MCTP1: variants seen among roughly 807,000 people sequenced by gnomAD.
The protein encoded by MCTP1 is multiple C2 and transmembrane domain-containing protein 1.
In MCTP1, 69 loss-of-function variants were observed where a neutral mutation model predicts 120.6. That is an observed-to-expected ratio of 0.57 (90% CI 0.47 to 0.70). The LOEUF is 0.70. MCTP1 is among the 30% of genes least tolerant of loss of function. The pLI, the probability that MCTP1 is intolerant of heterozygous loss-of-function variation, is 0.00. For missense variants in MCTP1, 1,203 were observed against 1,248.8 expected, an observed-to-expected ratio of 0.96 and a Z score of 0.55; for synonymous variants, 529 against 493.1, an observed-to-expected ratio of 1.07 and a Z score of -0.96.
chr5:95,121,729 G>GTT (rs1458203034), intron 1 of MCTP1, among the ~76,000 whole-genome samples: 4 of 151,936 alleles, frequency 2.6e-5, no homozygotes, highest in African/African-American at 4.8e-5. Flanking sequence ...TGGAAGAATC[G>GTT]TATTACCTGA....
intron 1 of MCTP1, among the ~76,000 whole-genome samples, chr5:95,145,635 C>A (rs1213603467): frequency 6.6e-6 from 1 of 152,088 alleles, no homozygotes; most frequent in East Asian, 1.9e-4. Flanking sequence ...TTTTCCACAT[C>A]TATTAAGATA....
chr5:95,275,187 T>C (rs1385977476), intron 1 of MCTP1, among the ~76,000 whole-genome samples: 1 of 152,238 alleles, frequency 6.6e-6, no homozygotes. Flanking sequence ...TCAGAAGTTC[T>C]AACTGATAGC....
intron 17 of MCTP1, chr5:94,826,600 G>T: frequency 1.3e-6 from 1 of 764,774 alleles, no homozygotes; most frequent in Non-Finnish European, 2.3e-6. Flanking sequence ...TCTTTCTCAG[G>T]CTCTTGATCT....
chr5:95,242,945 C>A (rs1756333132), intron 1 of MCTP1, among the ~76,000 whole-genome samples: 1 of 152,164 alleles, frequency 6.6e-6, no homozygotes. Flanking sequence ...TAAAATGCCA[C>A]CCCCATAAAA....
chr5:94,736,376 G>A (rs562162163), intron 19 of MCTP1, among the ~76,000 whole-genome samples: 25 of 152,194 alleles, frequency 1.6e-4, no homozygotes, highest in African/African-American at 5.8e-4. Flanking sequence ...CCAACCACTC[G>A]GGAGGCTGAG....
chr5:95,180,545 C>T (rs1240055988), intron 1 of MCTP1, among the ~76,000 whole-genome samples: 1 of 152,136 alleles, frequency 6.6e-6, no homozygotes. Flanking sequence ...TCTCTGGCTG[C>T]TCTTTCTCTT....
At chr5:95,264,256 T>G (rs989431265) in intron 1 of MCTP1, among the ~76,000 whole-genome samples, 3 of 152,344 alleles carry the variant, frequency 2.0e-5, no homozygotes, top group Non-Finnish European at 4.4e-5. Context: ...GCCTTTAGGT[T>G]AACTCAGGTG....
intron 19 of MCTP1, among the ~76,000 whole-genome samples, chr5:94,723,245 G>A (rs1410506384): frequency 6.6e-6 from 1 of 152,062 alleles, no homozygotes; most frequent in African/African-American, 2.4e-5. Flanking sequence ...TTGAAAAATA[G>A]AAACACTCTA....
intron 6 of MCTP1, among the ~76,000 whole-genome samples, chr5:94,928,448 C>T (rs1273381204): frequency 1.3e-5 from 2 of 152,084 alleles, no homozygotes; most frequent in Non-Finnish European, 2.9e-5. Context: ...TAAAATATTG[C>T]AATAATCCAA....
chr5:94,760,718 C>CTCTG (rs2152845834), intron 19 of MCTP1, among the ~76,000 whole-genome samples: 1 of 151,044 alleles, frequency 6.6e-6, no homozygotes, highest in African/African-American at 2.4e-5. Flanking sequence ...GACAGTATCA[C>CTCTG]TCTGTCACCC....
intron 1 of MCTP1, among the ~76,000 whole-genome samples, chr5:95,207,349 T>C (rs1357363619): frequency 6.6e-6 from 1 of 152,162 alleles, no homozygotes; most frequent in Non-Finnish European, 1.5e-5. Flanking sequence ...TTGAAATATA[T>C]ATATTTTGGA....
intron 1 of MCTP1, among the ~76,000 whole-genome samples, chr5:95,237,154 T>C (rs142466862): frequency 4.6e-5 from 7 of 152,252 alleles, no homozygotes; most frequent in Non-Finnish European, 1.0e-4. Context: ...AAGGTGAGAC[T>C]CTGCCAGGCC....
At chr5:95,244,805 G>A (rs562482727) in intron 1 of MCTP1, among the ~76,000 whole-genome samples, 18 of 152,258 alleles carry the variant, frequency 1.2e-4, no homozygotes, top group African/African-American at 4.1e-4. Context: ...AGATGTAAAC[G>A]TCCCCATCTG....
chr5:94,824,439 G>A (rs1056270457), intron 17 of MCTP1, among the ~76,000 whole-genome samples: 67 of 152,236 alleles, frequency 4.4e-4, no homozygotes, highest in Non-Finnish European at 4.9e-4. Flanking sequence ...TGCTGGATTC[G>A]TTTTGCCAGT....
At chr5:94,900,698 C>T (rs566210751) in intron 10 of MCTP1, among the ~76,000 whole-genome samples, 1 of 152,276 alleles carries the variant, frequency 6.6e-6, no homozygotes, top group African/African-American at 2.4e-5. Flanking sequence ...AGTTATTTGG[C>T]ATCAGAGTCC....
chr5:95,259,929 T>A (rs1258497241), intron 1 of MCTP1, among the ~76,000 whole-genome samples: 1 of 152,218 alleles, frequency 6.6e-6, no homozygotes, highest in Non-Finnish European at 1.5e-5. Flanking sequence ...CAAAATCGAA[T>A]GGCATTAGAT....
intron 1 of MCTP1, among the ~76,000 whole-genome samples, chr5:95,121,983 A>G (rs1758279707): frequency 6.6e-6 from 1 of 151,554 alleles, no homozygotes; most frequent in South Asian, 2.1e-4. Flanking sequence ...CTCTCACCAT[A>G]TATAAAAATC....
intron 17 of MCTP1, among the ~76,000 whole-genome samples, chr5:94,861,700 T>C (rs1244843719): frequency 1.3e-5 from 2 of 151,814 alleles, no homozygotes; most frequent in Non-Finnish European, 2.9e-5. Context: ...AATTGCAAAG[T>C]AGAAAATCCT....
chr5:94,822,409 A>G (rs552377534), intron 17 of MCTP1, among the ~76,000 whole-genome samples: 1 of 152,340 alleles, frequency 6.6e-6, no homozygotes, highest in South Asian at 2.1e-4. Flanking sequence ...TTATGGCTGC[A>G]TAATATTCCA....
Sources: allele counts gnomAD v4.1 joint callset (sites outside exome capture counted in the v4.1 genomes callset), GRCh38; gene constraint gnomAD v4.1.1; transcripts MANE v1.5; gene names NCBI Gene and HGNC (gene_info 2026-07-23, HGNC 2026-07-21).